Variants in CNTNAP5 observed in about 807,000 individuals in gnomAD.
The protein encoded by CNTNAP5 is contactin associated protein family member 5.
A neutral mutation model predicts 150.2 loss-of-function variants in CNTNAP5; 72 were observed. The ratio of observed to expected loss-of-function variants is 0.48; its 90% CI spans 0.40 to 0.58. The LOEUF is 0.58. Ranked by LOEUF, CNTNAP5 falls within the 20% of genes least tolerant of loss-of-function variation. The probability of loss-of-function intolerance (pLI) is 0.00; values close to 1 mark genes in which losing one functional copy is unlikely to be tolerated. For synonymous variants in CNTNAP5, 672 were observed against 619.8 expected (o/e 1.08, Z -1.25); for missense variants, 1,636 against 1,626.2 (o/e 1.01, Z -0.10).
At chr2:124,640,323 A>G (rs996792142) in intron 12 of CNTNAP5, among the ~76,000 whole-genome samples, 1 of 152,200 alleles carries the variant, frequency 6.6e-6, no homozygotes, top group Admixed American at 6.5e-5. Context: ...GTGTGAATAT[A>G]AATCAGCCAA....
At chr2:124,816,473 CT>C (rs34089178) in intron 19 of CNTNAP5, among the ~76,000 whole-genome samples, 8,322 of 107,338 alleles carry the variant, frequency 0.078, 235 homozygotes, top group Middle Eastern at 0.19. Flanking sequence ...TTGCAGCTTA[CT>C]TTTTTTTTTT....
At chr2:124,469,188 C>G (rs1358683865) in intron 6 of CNTNAP5, among the ~76,000 whole-genome samples, 1 of 152,172 alleles carries the variant, frequency 6.6e-6, no homozygotes, top group African/African-American at 2.4e-5. Flanking sequence ...AGAGATTGCT[C>G]CCCTCAGTGT....
At chr2:124,551,098 G>T (rs1045478052) in intron 10 of CNTNAP5, among the ~76,000 whole-genome samples, 3 of 152,058 alleles carry the variant, frequency 2.0e-5, no homozygotes, top group African/African-American at 4.8e-5. Flanking sequence ...TCACTGGCCC[G>T]TGCAGGGAGA....
rs923896597 is a variant in CNTNAP5, at chr2:124,772,875, G to A, written c.2610G>A (p.Leu870=). The change falls in exon 17 of 24, where the codon CTG becomes CTA. Residue 870 remains leucine, a synonymous_variant. Transcript: ENST00000682447. The part of the protein sequence containing the change: ...VELVVQSPSL[L]NDNQWHYVRA... ...TTGTAGTCCAGTCTCCTTCTCTTCT[G>A]AATGACAACCAATGGCACTATGTCC... is the stretch of plus-strand genomic sequence containing the variant. 1 of 1,613,528 alleles carries A rather than the reference G, an allele frequency of 6.2e-7. No homozygotes were observed. Among genetic ancestry groups the A allele is most frequent in the Non-Finnish European group, 8.5e-7 (1 of 1,179,730 alleles).
intron 19 of CNTNAP5, among the ~76,000 whole-genome samples, chr2:124,850,139 A>G (rs1683125410): frequency 6.6e-6 from 1 of 152,232 alleles, no homozygotes; most frequent in Admixed American, 6.5e-5. Flanking sequence ...CTAGAACAAA[A>G]TGGGCAACCA....
chr2:124,872,356 G>T (rs1175155108), intron 21 of CNTNAP5, among the ~76,000 whole-genome samples: 1 of 146,140 alleles, frequency 6.8e-6, no homozygotes, highest in Non-Finnish European at 1.5e-5. Flanking sequence ...TTTTCCTGTG[G>T]TAACTTGTTT....
At chr2:124,363,482 C>T (rs1489040056) in intron 3 of CNTNAP5, among the ~76,000 whole-genome samples, 1 of 152,190 alleles carries the variant, frequency 6.6e-6, no homozygotes, top group Non-Finnish European at 1.5e-5. Context: ...ATTGCACTTC[C>T]ATTCTTCCAA....
intron 12 of CNTNAP5, among the ~76,000 whole-genome samples, chr2:124,629,692 G>T (rs746651764): frequency 6.7e-6 from 1 of 149,606 alleles, no homozygotes; most frequent in African/African-American, 2.5e-5. Flanking sequence ...GCTAGCAGAA[G>T]ACAAGGAATA....
chr2:124,238,752 G>A (rs1686812095), intron 2 of CNTNAP5, among the ~76,000 whole-genome samples: 2 of 152,144 alleles, frequency 1.3e-5, no homozygotes, highest in South Asian at 4.1e-4. Context: ...CCAATTTAGA[G>A]AATAATTCAG....
intron 19 of CNTNAP5, among the ~76,000 whole-genome samples, chr2:124,844,884 G>T (rs1398949942): frequency 6.6e-6 from 1 of 152,042 alleles, no homozygotes; most frequent in Admixed American, 6.6e-5. Flanking sequence ...TGAGTCTTTA[G>T]AGTTTTCTAG....
chr2:124,295,838 C>T (rs1292937225), intron 3 of CNTNAP5, among the ~76,000 whole-genome samples: 1 of 152,134 alleles, frequency 6.6e-6, no homozygotes, highest in Non-Finnish European at 1.5e-5. Context: ...CTGACATTGC[C>T]ATGGCAGTTA....
chr2:124,360,574 G>C (rs1454702953), intron 3 of CNTNAP5, among the ~76,000 whole-genome samples: 1 of 135,682 alleles, frequency 7.4e-6, no homozygotes, highest in Non-Finnish European at 1.6e-5. Flanking sequence ...ATGAAGCTTA[G>C]TTTGGCTGGA....
chr2:124,491,707 A>G (rs976508829), intron 7 of CNTNAP5, among the ~76,000 whole-genome samples: 37 of 151,484 alleles, frequency 2.4e-4, no homozygotes, highest in African/African-American at 8.5e-4. Context: ...ATTACTACCA[A>G]TTGTGTACAA....
intron 13 of CNTNAP5, among the ~76,000 whole-genome samples, chr2:124,679,729 T>C (rs1415213028): frequency 1.3e-5 from 2 of 151,618 alleles, no homozygotes; most frequent in Non-Finnish European, 2.9e-5. Flanking sequence ...CATGCCTGGC[T>C]AATTTTTGTA....
chr2:124,320,557 A>G (rs1689075156), intron 3 of CNTNAP5, among the ~76,000 whole-genome samples: 1 of 152,140 alleles, frequency 6.6e-6, no homozygotes, highest in Non-Finnish European at 1.5e-5. Flanking sequence ...CTGACCTCAC[A>G]TGCTCTAAAA....
intron 6 of CNTNAP5, among the ~76,000 whole-genome samples, chr2:124,462,064 A>G (rs901982140): frequency 3.3e-5 from 5 of 152,160 alleles, no homozygotes; most frequent in African/African-American, 1.2e-4. Flanking sequence ...GAGAAAGGCT[A>G]TTATCTCCTA....
At chr2:124,600,501 T>G (rs1385941323) in intron 11 of CNTNAP5, among the ~76,000 whole-genome samples, 1 of 152,168 alleles carries the variant, frequency 6.6e-6, no homozygotes, top group Non-Finnish European at 1.5e-5. Context: ...TTCATTGACC[T>G]TACACACATG....
At chr2:124,332,029 A>G (rs1021122976) in intron 3 of CNTNAP5, among the ~76,000 whole-genome samples, 4 of 151,886 alleles carry the variant, frequency 2.6e-5, no homozygotes, top group Admixed American at 1.3e-4. Context: ...TAAAATTTTT[A>G]TGATTCATCC....
intron 4 of CNTNAP5, among the ~76,000 whole-genome samples, chr2:124,427,149 G>GATT: frequency 6.6e-6 from 1 of 152,270 alleles, no homozygotes; most frequent in East Asian, 1.9e-4. Flanking sequence ...TGGCATGGCA[G>GATT]ATAAAATAGA....
Sources: allele counts gnomAD v4.1 joint callset (sites outside exome capture counted in the v4.1 genomes callset), GRCh38; gene constraint gnomAD v4.1.1; transcripts MANE v1.5; gene names NCBI Gene and HGNC (gene_info 2026-07-23, HGNC 2026-07-21).